PECAM1: variants seen among roughly 807,000 people sequenced by gnomAD.
PECAM1 encodes the protein platelet endothelial cell adhesion molecule.
A neutral mutation model predicts 13.8 loss-of-function variants in PECAM1; 8 were observed. The ratio of observed to expected loss-of-function variants is 0.58; its 90% confidence interval spans 0.34 to 1.05. The LOEUF is 1.05. Among genes scored for constraint, PECAM1 ranks in the 50% least tolerant of loss-of-function variants. The pLI is 0.03. For synonymous variants in PECAM1, 136 were observed against 52.6 expected (o/e 2.58, Z -6.86); for missense variants, 304 against 141.2 (o/e 2.15, Z -5.84).
rs527393402 is a variant in PECAM1 at position 64,320,453 on chromosome 17, C to T, written c.*3363G>A. On this transcript the variant is annotated 3_prime_UTR_variant, in exon 16 of 16. Transcript: ENST00000563924. ...TTCCTGCACTTCTTCCTTTTGTCCT[C>T]AATGTTCTTCACCCCACCTTTTCCA... The T allele has an allele frequency of 8.3e-4, 127 of 152,820 alleles. 1 individual carries two copies. Among genetic ancestry groups the T allele is most frequent in the South Asian group, 8.3e-3 (40 of 4,834 alleles). 9.5% of individuals were successfully genotyped at this position (152,820 alleles called of 1,614,324 possible).
At chr17:64,383,543 G>A (rs909327670) in intron 2 of PECAM1, among the ~76,000 whole-genome samples, 1,910 of 152,238 alleles carry the variant, frequency 0.013, 20 homozygotes, top group South Asian at 0.024. Context: ...CATACTGGGG[G>A]TTCAGAGAAC....
At chr17:64,354,232 G>A (rs1026039465) in intron 9 of PECAM1, among the ~76,000 whole-genome samples, 1 of 152,078 alleles carries the variant, frequency 6.6e-6, no homozygotes, top group Non-Finnish European at 1.5e-5. Flanking sequence ...GTGAGCCACC[G>A]TGCCTGACCA....
At chr17:64,378,646 C>CAA (rs1206844579) in intron 2 of PECAM1, among the ~76,000 whole-genome samples, 6,130 of 131,736 alleles carry the variant, frequency 0.047, 426 homozygotes, top group African/African-American at 0.16. Context: ...TCTCAAAAGA[C>CAA]AAAAAAAAAA....
At chr17:64,371,700 GC>G (rs2036242546) in intron 4 of PECAM1, among the ~76,000 whole-genome samples, 1 of 151,996 alleles carries the variant, frequency 6.6e-6, no homozygotes, top group Non-Finnish European at 1.5e-5. Flanking sequence ...CGTGGTGGCA[GC>G]CCCCTGTAAT....
intron 2 of PECAM1, among the ~76,000 whole-genome samples, chr17:64,379,268 T>A (rs1321882751): frequency 2.6e-5 from 4 of 152,240 alleles, no homozygotes; most frequent in Non-Finnish European, 5.9e-5. Flanking sequence ...TTATATCCAG[T>A]AACCATAGGC....
intron 14 of PECAM1, among the ~76,000 whole-genome samples, chr17:64,332,365 CTT>C (rs140874875): frequency 0.49 from 74,619 of 151,852 alleles, 19,013 homozygotes; most frequent in East Asian, 0.69. Flanking sequence ...TCTGGAACCT[CTT>C]TCCCAACAGC....
Position 64,327,509 on chromosome 17 carries a change from C to G in PECAM1, c.2187+2191G>C, listed in dbSNP as rs574674348. ...ACAGTTTCCACTGTAGCCCAGCTGC[C>G]TCCTGGCCTCCAGGAAGGGGGGAGG... On this transcript the variant is annotated intron_variant, in intron 15 of 15. Coordinates refer to ENST00000563924, the MANE Select transcript of PECAM1 (RefSeq NM_000442.5). 3.9e-5 allele frequency among the ~76,000 whole-genome samples: 6 copies of G among 152,322 alleles called. No individual in the cohort carries two copies. The East Asian group carries it at 1.2e-3, about 29-fold the overall frequency.
intron 14 of PECAM1, among the ~76,000 whole-genome samples, chr17:64,336,318 C>T (rs914526281): frequency 9.2e-5 from 14 of 151,402 alleles, no homozygotes; most frequent in African/African-American, 3.4e-4. Context: ...TCCTTAACAG[C>T]TCTGGGCTCT....
intron 13 of PECAM1, among the ~76,000 whole-genome samples, chr17:64,347,872 A>G (rs1354184003): frequency 6.6e-6 from 1 of 151,146 alleles, no homozygotes; most frequent in African/African-American, 2.4e-5. Flanking sequence ...CTGGGATTAC[A>G]GGTGTGCGCC....
intron 7 of PECAM1, among the ~76,000 whole-genome samples, chr17:64,359,456 A>C (rs1476793339): frequency 2.0e-5 from 3 of 152,098 alleles, no homozygotes; most frequent in African/African-American, 2.4e-5. Flanking sequence ...GAATTCACAC[A>C]AGGCAGGGTT....
intron 14 of PECAM1, among the ~76,000 whole-genome samples, chr17:64,337,315 G>C (rs2035305974): frequency 1.3e-5 from 2 of 152,198 alleles, no homozygotes; most frequent in African/African-American, 4.8e-5. Context: ...GGTGCTGTGG[G>C]AGGGTCCTGG....
intron 5 of PECAM1, among the ~76,000 whole-genome samples, chr17:64,365,736 T>C (rs1383239693): frequency 6.6e-6 from 1 of 151,258 alleles, no homozygotes; most frequent in Non-Finnish European, 1.5e-5. Flanking sequence ...GATTCCCTAT[T>C]TAATAAATGG....
intron 2 of PECAM1, among the ~76,000 whole-genome samples, chr17:64,385,265 T>C (rs2036568392): frequency 6.6e-6 from 1 of 152,188 alleles, no homozygotes. Flanking sequence ...GTGACCACAG[T>C]GCCAAACCCC....
chr17:64,329,797 T>G (rs538282558), intron 14 of PECAM1, 75 bp from the exon 15 acceptor site: 1 of 732,180 alleles, frequency 1.4e-6, no homozygotes, highest in Non-Finnish European at 2.5e-6. Flanking sequence ...CATCACAGGG[T>G]CAGGAGCAGG....
At chr17:64,341,528 C>CT in intron 14 of PECAM1, 106 bp downstream of exon 14, 1 of 410,240 alleles carries the variant, frequency 2.4e-6, no homozygotes. Context: ...GGTGGCACCC[C>CT]TTTTTTGGCC....
intron 13 of PECAM1, among the ~76,000 whole-genome samples, chr17:64,343,123 C>T (rs1021579821): frequency 1.3e-5 from 2 of 152,086 alleles, no homozygotes; most frequent in African/African-American, 2.4e-5. Context: ...GGAAAGGAAG[C>T]CCCAGATAGG....
At chr17:64,371,823 C>T (rs1451019974) in intron 4 of PECAM1, among the ~76,000 whole-genome samples, 2 of 152,028 alleles carry the variant, frequency 1.3e-5, no homozygotes, top group Non-Finnish European at 2.9e-5. Flanking sequence ...GAGTGAGACT[C>T]CATCTCAAAA....
In PECAM1 at chr17:64,361,785, A is replaced by G. The variant is rs199994987; in HGVS notation, c.1216+1364T>C. On this transcript the variant is annotated intron_variant, in intron 6 of 15. Transcript: ENST00000563924. ...AAAAAAAAAAAAAAAAGATAAAAAAAGTCTTCTTAGTGCTTCAGCCTCTTA... is the reference window on the plus strand; with the variant it reads ...AAAAAAAAAAAAAAAAGATAAAAAAGGTCTTCTTAGTGCTTCAGCCTCTTA... 4.9e-4 allele frequency among the ~76,000 whole-genome samples: 74 copies of G among 151,812 alleles called. 1 individual carries two copies. In the East Asian group the frequency reaches 9.9e-3, roughly 20 times the overall value.
Position 64,378,081 on chromosome 17 carries a change from G to A in PECAM1, c.128C>T (p.Pro43Leu), listed in dbSNP as rs1598050967. 2 of 475,172 alleles carry A rather than the reference G, an allele frequency of 4.2e-6. No individual in the cohort carries two copies. Among genetic ancestry groups the A allele is most frequent in the Non-Finnish European group, 3.9e-6 (1 of 259,030 alleles). 29.4% of individuals were successfully genotyped at this position (475,172 alleles called of 1,614,324 possible). A position where few individuals can be genotyped will look rare whatever the true frequency, so the allele number is the denominator to read the frequency against. Residue 43 changes from proline to leucine, a missense_variant, in exon 3 of 16, where the codon CCG becomes CTG. Physicochemically the swap from Pro to Leu is moderately conservative, Grantham distance 98. Transcript: ENST00000563924. The stretch of plus-strand genomic sequence containing the variant: ...CTTCCCATTTTGCACCGTCCAGTCC[G>A]GCAGGCTCTTCATGTCAACACTGTT... ...TINSVDMKSL[P>L]DWTVQNGKNL...
Sources: allele counts gnomAD v4.1 joint callset (sites outside exome capture counted in the v4.1 genomes callset), GRCh38; gene constraint gnomAD v4.1.1; transcripts MANE v1.5; gene names NCBI Gene and HGNC (gene_info 2026-07-23, HGNC 2026-07-21).